Variants in CCDC91 observed in about 807,000 individuals in gnomAD.
CCDC91 encodes coiled-coil domain-containing protein 91.
CCDC91 carries 48 observed loss-of-function variants against 63.2 expected under a neutral mutation model. The observed-to-expected ratio is 0.76, with a 90% CI of 0.60 to 0.97. The LOEUF (loss-of-function observed/expected upper bound fraction) is 0.97. Among genes scored for constraint, CCDC91 ranks in the 50% least tolerant of loss-of-function variants. CCDC91 has a pLI of 0.00. For synonymous variants in CCDC91, 167 were observed against 165.8 expected (o/e 1.01, Z -0.06); for missense variants, 500 against 494.6 (o/e 1.01, Z -0.10).
intron 12 of CCDC91, among the ~76,000 whole-genome samples, chr12:28,519,814 G>T (rs1422056181): frequency 1.4e-5 from 2 of 146,612 alleles, no homozygotes; most frequent in Non-Finnish European, 3.0e-5. Context: ...GTGAGAACAT[G>T]TGGTGTTTGG....
At chr12:28,528,183 T>A (rs892957863) in intron 12 of CCDC91, among the ~76,000 whole-genome samples, 12 of 152,254 alleles carry the variant, frequency 7.9e-5, no homozygotes, top group African/African-American at 2.9e-4. Flanking sequence ...CTGTGGTTTT[T>A]TTCCCAGTGC....
chr12:28,480,826 A>G (rs1359531382), intron 11 of CCDC91, among the ~76,000 whole-genome samples: 10 of 152,018 alleles, frequency 6.6e-5, no homozygotes, highest in South Asian at 2.1e-4. Context: ...TAACTGAGCT[A>G]TGTTTACAGT....
chr12:28,504,055 T>A (rs1052904673), intron 12 of CCDC91, among the ~76,000 whole-genome samples: 2 of 151,920 alleles, frequency 1.3e-5, no homozygotes, highest in Non-Finnish European at 2.9e-5. Flanking sequence ...CTGCACATTG[T>A]GCACATGTAC....
chr12:28,514,937 G>A (rs574813181), intron 12 of CCDC91, among the ~76,000 whole-genome samples: 1 of 151,878 alleles, frequency 6.6e-6, no homozygotes, highest in East Asian at 2.0e-4. Flanking sequence ...ATACCTGGGT[G>A]ATGAAATACT....
chr12:28,232,147 G>A (rs533801347), intron 1 of CCDC91, among the ~76,000 whole-genome samples: 5 of 151,882 alleles, frequency 3.3e-5, no homozygotes, highest in Non-Finnish European at 7.4e-5. Flanking sequence ...TTGTGACCAT[G>A]GGTTTTCTGT....
At chr12:28,465,344 G>T (rs919595102) in intron 11 of CCDC91, among the ~76,000 whole-genome samples, 11 of 152,118 alleles carry the variant, frequency 7.2e-5, no homozygotes, top group African/African-American at 2.7e-4. Flanking sequence ...CCTAATTGTA[G>T]AGCCCCAGGG....
intron 8 of CCDC91, among the ~76,000 whole-genome samples, chr12:28,412,129 C>T (rs1947356009): frequency 6.6e-6 from 1 of 152,078 alleles, no homozygotes; most frequent in Admixed American, 6.5e-5. Flanking sequence ...TAGATTACAC[C>T]ATACATTCTA....
intron 11 of CCDC91, among the ~76,000 whole-genome samples, chr12:28,481,943 AT>A (rs1951470905): frequency 6.6e-6 from 1 of 151,958 alleles, no homozygotes; most frequent in African/African-American, 2.4e-5. Flanking sequence ...GTTATAGCCC[AT>A]TTATTTAAAT....
intron 8 of CCDC91, among the ~76,000 whole-genome samples, chr12:28,394,364 G>T (rs1946147440): frequency 6.6e-6 from 1 of 152,008 alleles, no homozygotes; most frequent in African/African-American, 2.4e-5. Flanking sequence ...TACTCCGGAG[G>T]CTAAGGCAGG....
intron 8 of CCDC91, among the ~76,000 whole-genome samples, chr12:28,413,777 C>T (rs1174394458): frequency 3.3e-5 from 5 of 152,136 alleles, no homozygotes; most frequent in Admixed American, 2.0e-4. Flanking sequence ...AATAATCTTT[C>T]AAATAAAACA....
chr12:28,460,454 T>C (rs1418887006), intron 11 of CCDC91, among the ~76,000 whole-genome samples: 3 of 152,276 alleles, frequency 2.0e-5, no homozygotes, highest in Non-Finnish European at 4.4e-5. Flanking sequence ...TTGTGACTCA[T>C]GTAATTTTGA....
chr12:28,414,401 A>G (rs1947513623), intron 8 of CCDC91, among the ~76,000 whole-genome samples: 1 of 152,200 alleles, frequency 6.6e-6, no homozygotes, highest in Non-Finnish European at 1.5e-5. Context: ...GCTTGAAAGT[A>G]GATATAGATT....
intron 8 of CCDC91, among the ~76,000 whole-genome samples, chr12:28,393,785 T>C (rs76935749): frequency 6.6e-6 from 1 of 152,344 alleles, no homozygotes; most frequent in East Asian, 1.9e-4. Flanking sequence ...GAGAATTTTC[T>C]TTTTTCTATG....
chr12:28,527,481 A>G (rs906318493), intron 12 of CCDC91, among the ~76,000 whole-genome samples: 4 of 152,226 alleles, frequency 2.6e-5, no homozygotes, highest in African/African-American at 4.8e-5. Flanking sequence ...AGCCATGGAT[A>G]CGAGCACCTG....
chr12:28,209,131 A>G (rs1943058594), intron 1 of CCDC91, among the ~76,000 whole-genome samples: 1 of 152,164 alleles, frequency 6.6e-6, no homozygotes, highest in South Asian at 2.1e-4. Context: ...GTTCATGAAA[A>G]TATTGTTCAA....
At chr12:28,241,995 C>CAAAA (rs1209663723) in intron 1 of CCDC91, among the ~76,000 whole-genome samples, 11 of 41,378 alleles carry the variant, frequency 2.7e-4, no homozygotes, top group African/African-American at 2.9e-4. Context: ...GACTCCTTCT[C>CAAAA]AAAAAAAAAA....
chr12:28,391,831 TTTTTC>T (rs1337470349), intron 8 of CCDC91, among the ~76,000 whole-genome samples: 1 of 152,226 alleles, frequency 6.6e-6, no homozygotes, highest in African/African-American at 2.4e-5. Context: ...TATTCAAATT[TTTTTC>T]TTTTCTTGAT....
At chr12:28,328,332 T>A (rs1313985617) in intron 6 of CCDC91, among the ~76,000 whole-genome samples, 1 of 152,160 alleles carries the variant, frequency 6.6e-6, no homozygotes, top group Non-Finnish European at 1.5e-5. Flanking sequence ...GTTTTGGATG[T>A]CTTTTGTGAT....
chr12:28,449,198 T>G (rs182482169), intron 8 of CCDC91, among the ~76,000 whole-genome samples: 1 of 152,198 alleles, frequency 6.6e-6, no homozygotes. Context: ...TTTGGTCACT[T>G]ACTCTCAATA....
Sources: gnomAD v4.1 joint callset for allele counts (sites outside exome capture counted in the v4.1 genomes callset) on GRCh38, gnomAD v4.1.1 for gene constraint, MANE v1.5 for transcripts, NCBI Gene and HGNC (gene_info 2026-07-23, HGNC 2026-07-21) for gene names.